Variants in TEX11 observed in about 807,000 individuals in gnomAD.
TEX11 encodes the protein testis expressed 11, also known as testis-expressed protein 11.
A neutral mutation model predicts 84.4 loss-of-function variants in TEX11; 7 were observed. The ratio of observed to expected loss-of-function variants is 0.08; its 90% CI spans 0.05 to 0.16. The LOEUF is 0.16. TEX11 is among the 10% of genes least tolerant of loss of function. TEX11 has a pLI of 1.00. For missense variants in TEX11, 551 were observed against 660.5 expected (o/e 0.83, Z 1.82); for synonymous variants, 264 against 222.8 (o/e 1.18, Z -1.64).
At chrX:70,557,193 G>A (rs1312646974) in intron 25 of TEX11, among the ~76,000 whole-genome samples, 2 of 109,699 alleles carry the variant, frequency 1.8e-5, no homozygotes, top group Admixed American at 9.8e-5. Flanking sequence ...CAAGGACCAG[G>A]CACAGTGGCT....
At chrX:70,671,144 AT>A (rs2090018886) in intron 15 of TEX11, among the ~76,000 whole-genome samples, 1 of 111,482 alleles carries the variant, frequency 9.0e-6, no homozygotes, top group Non-Finnish European at 1.9e-5. Flanking sequence ...GTATTTGTAT[AT>A]AAAAATACAT....
intron 13 of TEX11, among the ~76,000 whole-genome samples, chrX:70,713,373 C>T (rs1038854904): frequency 8.9e-6 from 1 of 111,902 alleles, no homozygotes; most frequent in African/African-American, 3.2e-5. Context: ...ATGGTACCAG[C>T]TCCTCCTTGT....
intron 13 of TEX11, among the ~76,000 whole-genome samples, chrX:70,703,252 A>C (rs12863752): frequency 0.033 from 3,653 of 111,806 alleles, 71 homozygotes; most frequent in Middle Eastern, 0.06. Flanking sequence ...GTGAATACCT[A>C]TCATAGTTTA....
chrX:70,666,886 C>T (rs2089980458), intron 16 of TEX11, among the ~76,000 whole-genome samples: 1 of 111,452 alleles, frequency 9.0e-6, no homozygotes, highest in African/African-American at 3.3e-5. Flanking sequence ...GAGGACTTCC[C>T]TGACCACCCT....
At chrX:70,885,177 G>GA (rs1295172122) in intron 2 of TEX11, among the ~76,000 whole-genome samples, 1 of 111,220 alleles carries the variant, frequency 9.0e-6, no homozygotes, top group Non-Finnish European at 1.9e-5. Context: ...CCTAATTGGG[G>GA]GGGCCCTTCT....
At chrX:70,565,369 T>C (rs1395725407) in intron 25 of TEX11, among the ~76,000 whole-genome samples, 6 of 107,411 alleles carry the variant, frequency 5.6e-5, no homozygotes, top group Admixed American at 5.0e-4. Flanking sequence ...TTCACTCTGA[T>C]GGTAGTTTCT....
chrX:70,749,387 T>C (rs2090794774), intron 9 of TEX11, among the ~76,000 whole-genome samples: 2 of 111,004 alleles, frequency 1.8e-5, no homozygotes, highest in Admixed American at 1.9e-4. Context: ...TTTGACTTCC[T>C]CTTTTCCTAA....
intron 7 of TEX11, among the ~76,000 whole-genome samples, chrX:70,834,008 A>G (rs905358829): frequency 9.0e-6 from 1 of 111,128 alleles, no homozygotes; most frequent in African/African-American, 3.3e-5. Flanking sequence ...CTGAACTGCT[A>G]TGTATATCCA....
intron 9 of TEX11, among the ~76,000 whole-genome samples, chrX:70,754,816 GA>G (rs1246876510): frequency 1.8e-5 from 2 of 111,737 alleles, no homozygotes; most frequent in Non-Finnish European, 3.8e-5. Flanking sequence ...AGTAAGGGAA[GA>G]AAACAAGAGC....
chrX:70,691,741 T>C (rs770606354), intron 13 of TEX11, among the ~76,000 whole-genome samples: 1 of 111,074 alleles, frequency 9.0e-6, no homozygotes, highest in Non-Finnish European at 1.9e-5. Context: ...GGAGACTTAA[T>C]GTACAGCATG....
intron 8 of TEX11, among the ~76,000 whole-genome samples, chrX:70,831,032 A>G (rs1174049359): frequency 3.6e-5 from 4 of 112,094 alleles, no homozygotes; most frequent in Non-Finnish European, 7.5e-5. Context: ...AGCATTATTT[A>G]CAATAGCCAA....
chrX:70,639,276 G>A (rs1188696701), intron 17 of TEX11, among the ~76,000 whole-genome samples: 11 of 111,822 alleles, frequency 9.8e-5, no homozygotes, highest in African/African-American at 3.3e-4. Context: ...CCTACCCCAC[G>A]GAGTCTCGCT....
intron 9 of TEX11, among the ~76,000 whole-genome samples, chrX:70,757,925 A>G (rs1005568957): frequency 1.2e-4 from 13 of 111,689 alleles, no homozygotes; most frequent in African/African-American, 3.9e-4. Context: ...GGATGGAGGA[A>G]GATTTACCAA....
intron 9 of TEX11, among the ~76,000 whole-genome samples, chrX:70,789,311 G>A (rs1346872268): frequency 1.8e-5 from 2 of 111,981 alleles, no homozygotes; most frequent in Admixed American, 9.5e-5. Flanking sequence ...ACCACAGTGA[G>A]GGCAGGTGTG....
intron 28 of TEX11, 61 bp downstream of exon 28, chrX:70,552,065 T>C (rs945450544): frequency 1.8e-6 from 2 of 1,096,676 alleles, no homozygotes; most frequent in Non-Finnish European, 2.4e-6. Context: ...TAATTTATAG[T>C]ACACAAGACA....
intron 2 of TEX11, among the ~76,000 whole-genome samples, chrX:70,897,770 A>G (rs951585991): frequency 1.3e-4 from 14 of 111,802 alleles, no homozygotes; most frequent in African/African-American, 3.9e-4. Flanking sequence ...CAATCATTCA[A>G]TAAAACTTTA....
chrX:70,680,020 G>A (rs1397764223), intron 14 of TEX11, among the ~76,000 whole-genome samples: 35 of 62,747 alleles, frequency 5.6e-4, no homozygotes, highest in East Asian at 1.0e-3. Context: ...GCCTCTGCCC[G>A]GCCGCCCCTA....
intron 9 of TEX11, among the ~76,000 whole-genome samples, chrX:70,782,580 C>T (rs753935853): frequency 8.5e-5 from 8 of 94,548 alleles, no homozygotes; most frequent in Non-Finnish European, 1.6e-4. Context: ...ACCCATCTTA[C>T]GTGCAGAGAC....
At chrX:70,572,368 C>T (rs1227686941) in intron 25 of TEX11, among the ~76,000 whole-genome samples, 22 of 110,706 alleles carry the variant, frequency 2.0e-4, no homozygotes, top group South Asian at 3.8e-4. Flanking sequence ...CTGGAGAGGA[C>T]GTGGAGAAAT....
Sources: gnomAD v4.1 joint callset for allele counts (sites outside exome capture counted in the v4.1 genomes callset) on GRCh38, gnomAD v4.1.1 for gene constraint, MANE v1.5 for transcripts, NCBI Gene and HGNC (gene_info 2026-07-23, HGNC 2026-07-21) for gene names.